Variants in ERG observed in about 807,000 individuals in gnomAD.
The protein encoded by ERG is ETS transcription factor ERG.
Under a neutral mutation model 55.3 loss-of-function variants are expected in ERG, and 9 were observed. The ratio of observed to expected loss-of-function variants is 0.16; its 90% CI spans 0.10 to 0.28. The LOEUF is 0.28. ERG is among the 10% of genes least tolerant of loss of function. The probability of loss-of-function intolerance (pLI) is 1.00; values close to 1 mark genes in which losing one functional copy is unlikely to be tolerated. For missense variants in ERG, 434 were observed against 631.6 expected, an observed-to-expected ratio of 0.69 and a Z score of 3.35; for synonymous variants, 223 against 237.3, an observed-to-expected ratio of 0.94 and a Z score of 0.55.
intron 1 of ERG, among the ~76,000 whole-genome samples, chr21:38,580,944 C>T (rs1391674735): frequency 1.3e-5 from 2 of 152,164 alleles, no homozygotes; most frequent in African/African-American, 2.4e-5. Flanking sequence ...TTGTGTTCTG[C>T]GGGTTAGGGG....
At chr21:38,484,398 A>C (rs1479030430) in intron 1 of ERG, among the ~76,000 whole-genome samples, 2 of 152,130 alleles carry the variant, frequency 1.3e-5, no homozygotes. Flanking sequence ...CTCTAGATCC[A>C]CTCCAGAGAA....
intron 1 of ERG, among the ~76,000 whole-genome samples, chr21:38,466,332 T>TGTGTGTGTGA (rs1168566229): frequency 6.0e-5 from 9 of 150,852 alleles, no homozygotes; most frequent in African/African-American, 2.0e-4. Context: ...TGTGTGTGTG[T>TGTGTGTGTGA]GATATAGATA....
At chr21:38,595,082 C>T (rs780406374) in intron 1 of ERG, among the ~76,000 whole-genome samples, 6 of 152,056 alleles carry the variant, frequency 3.9e-5, no homozygotes, top group East Asian at 1.9e-4. Context: ...ATTGGTTGGA[C>T]GATGAGGGTT....
rs1362174807 is a variant in ERG at position 38,429,648 on chromosome 21, CAT to C, written c.237-6089_237-6088del. Among the ~76,000 whole-genome samples, 2 of 147,396 alleles carry C rather than the reference CAT, an allele frequency of 1.4e-5. 1 individual carries two copies. The highest frequency in any genetic ancestry group is 5.1e-5 in the African/African-American group (2 of 39,480). ...ATATGTGTATATATACATGTATACACATGTACATATATACATATATGTGTATA... is the reference window on the plus strand; with the variant it reads ...ATATGTGTATATATACATGTATACACGTACATATATACATATATGTGTATA... On this transcript the variant is annotated intron_variant, in intron 2 of 9. Transcript: ENST00000288319.
chr21:38,464,013 C>G (rs982368655), intron 1 of ERG, among the ~76,000 whole-genome samples: 10 of 152,046 alleles, frequency 6.6e-5, no homozygotes, highest in Non-Finnish European at 8.8e-5. Context: ...CCATTGATTC[C>G]AAGGTGTGAT....
chr21:38,420,446 C>T (rs1364484282), intron 3 of ERG, among the ~76,000 whole-genome samples: 1 of 152,210 alleles, frequency 6.6e-6, no homozygotes. Flanking sequence ...ACTGCCTACA[C>T]TGGCGTGAAG....
At chr21:38,611,807 G>A (rs2060228976) in intron 1 of ERG, among the ~76,000 whole-genome samples, 1 of 152,156 alleles carries the variant, frequency 6.6e-6, no homozygotes, top group African/African-American at 2.4e-5. Context: ...GGACAGGGGT[G>A]GGCACGGAGT....
intron 1 of ERG, among the ~76,000 whole-genome samples, chr21:38,647,306 C>T (rs912594015): frequency 8.5e-5 from 13 of 152,168 alleles, no homozygotes; most frequent in African/African-American, 1.2e-4. Flanking sequence ...GGGCATCCAC[C>T]GTCTTTTTTC....
chr21:38,380,721 G>A lies in ERG; in HGVS notation c.*2682C>T, dbSNP rs1987388303. ...TATCATGTTATCCAAAATTATCCCA[G>A]TTGCTCATAAGACTTGCTAATAACC... On this transcript the variant is annotated 3_prime_UTR_variant, in exon 10 of 10. Coordinates refer to ENST00000288319, the MANE Select transcript of ERG (RefSeq NM_182918.4). 1 of 1,064,970 alleles carries A rather than the reference G, an allele frequency of 9.4e-7. No individual in the cohort carries two copies. Among genetic ancestry groups the A allele is most frequent in the African/African-American group, 1.6e-5 (1 of 61,058 alleles). The allele number at this position is 1,064,970 out of a possible 1,614,324, so 66.0% of individuals were successfully genotyped here. A position where few individuals can be genotyped will look rare whatever the true frequency, so the allele number is the denominator to read the frequency against.
intron 2 of ERG, among the ~76,000 whole-genome samples, chr21:38,562,232 T>C (rs2146837464): frequency 1.3e-5 from 2 of 152,120 alleles, no homozygotes; most frequent in East Asian, 1.9e-4. Flanking sequence ...CATGCATACA[T>C]ACACGCACAT....
At chr21:38,554,569 G>A (rs1451181746) in intron 2 of ERG, among the ~76,000 whole-genome samples, 1 of 152,130 alleles carries the variant, frequency 6.6e-6, no homozygotes, top group African/African-American at 2.4e-5. Context: ...GTTAACACAG[G>A]AGCGGAAAAC....
At chr21:38,545,811 T>A (rs28536009) in intron 2 of ERG, among the ~76,000 whole-genome samples, 2 of 152,002 alleles carry the variant, frequency 1.3e-5, no homozygotes, top group Non-Finnish European at 2.9e-5. Context: ...ACTGTCCCCT[T>A]GCCCAGTGGT....
At chr21:38,409,890 T>G (rs768360009) in intron 3 of ERG, among the ~76,000 whole-genome samples, 37 of 152,228 alleles carry the variant, frequency 2.4e-4, no homozygotes, top group Non-Finnish European at 4.7e-4. Flanking sequence ...TTTAAAAATC[T>G]TAAATAACAC....
At chr21:38,590,576 C>CCATCCATG (rs2060094048) in intron 1 of ERG, among the ~76,000 whole-genome samples, 1 of 150,014 alleles carries the variant, frequency 6.7e-6, no homozygotes, top group Admixed American at 6.6e-5. Context: ...GTTCATCCAT[C>CCATCCATG]CATCCATCCA....
chr21:38,549,711 A>G (rs910464236), intron 2 of ERG, among the ~76,000 whole-genome samples: 3 of 149,530 alleles, frequency 2.0e-5, no homozygotes, highest in Non-Finnish European at 3.0e-5. Context: ...ACAGAAATGA[A>G]TATCTTCCTT....
At chr21:38,473,454 T>C in intron 1 of ERG, among the ~76,000 whole-genome samples, 1 of 151,810 alleles carries the variant, frequency 6.6e-6, no homozygotes, top group East Asian at 1.9e-4. Flanking sequence ...AAGCTGTTTT[T>C]TAAAGACAAT....
intron 2 of ERG, among the ~76,000 whole-genome samples, chr21:38,424,180 A>AGT (rs1555896849): frequency 2.8e-5 from 1 of 35,486 alleles, no homozygotes; most frequent in Admixed American, 2.2e-4. Context: ...AAGAGACCAG[A>AGT]GCTCGAGCTC....
At chr21:38,640,994 A>G (rs2060421432) in intron 1 of ERG, among the ~76,000 whole-genome samples, 1 of 152,262 alleles carries the variant, frequency 6.6e-6, no homozygotes, top group South Asian at 2.1e-4. Flanking sequence ...GTGATAAAAC[A>G]TGTAGAAAAT....
intron 1 of ERG, among the ~76,000 whole-genome samples, chr21:38,637,616 G>C (rs911115858): frequency 6.6e-6 from 1 of 152,116 alleles, no homozygotes; most frequent in East Asian, 1.9e-4. Flanking sequence ...CTAAAATTAT[G>C]TTAATGTTAT....
Sources: allele counts gnomAD v4.1 joint callset (sites outside exome capture counted in the v4.1 genomes callset), GRCh38; gene constraint gnomAD v4.1.1; transcripts MANE v1.5; gene names NCBI Gene and HGNC (gene_info 2026-07-23, HGNC 2026-07-21).